The following NAALADL2 variants were observed in gnomAD, a reference collection of about 807,000 sequenced individuals.
NAALADL2 encodes the protein inactive N-acetylated-alpha-linked acidic dipeptidase-like protein 2.
Under a neutral mutation model 87.2 loss-of-function variants are expected in NAALADL2, and 76 were observed. That is an observed-to-expected ratio of 0.87 (90% CI 0.72 to 1.05). The LOEUF is 1.05. NAALADL2 is among the 50% of genes least tolerant of loss of function. The probability of loss-of-function intolerance (pLI) is 0.00; values close to 1 mark genes in which losing one functional copy is unlikely to be tolerated. For synonymous variants in NAALADL2, 354 were observed against 331.0 expected, an observed-to-expected ratio of 1.07 and a Z score of -0.75; for missense variants, 1,089 against 945.8, an observed-to-expected ratio of 1.15 and a Z score of -1.99.
intron 12 of NAALADL2, among the ~76,000 whole-genome samples, chr3:175,753,109 A>G (rs1746814219): frequency 6.6e-6 from 1 of 152,164 alleles, no homozygotes; most frequent in Non-Finnish European, 1.5e-5. Flanking sequence ...AAGATAATTA[A>G]TGAATCTGAA....
intron 5 of NAALADL2, among the ~76,000 whole-genome samples, chr3:175,378,028 G>A (rs972107444): frequency 6.6e-6 from 1 of 150,872 alleles, no homozygotes; most frequent in Non-Finnish European, 1.5e-5. Context: ...CATGAGTGCA[G>A]ATAAAAGAGG....
chr3:175,329,881 G>A (rs959793899), intron 5 of NAALADL2, among the ~76,000 whole-genome samples: 2 of 152,106 alleles, frequency 1.3e-5, no homozygotes, highest in Non-Finnish European at 2.9e-5. Flanking sequence ...TAATTTTGGC[G>A]ACGTAAGTTC....
chr3:174,836,413 A>G (rs772596252), intron 3 of NAALADL2, among the ~76,000 whole-genome samples: 1 of 152,162 alleles, frequency 6.6e-6, no homozygotes, highest in African/African-American at 2.4e-5. Context: ...GTTGCACAAC[A>G]ATGTGAATGT....
intron 3 of NAALADL2, among the ~76,000 whole-genome samples, chr3:174,740,718 T>G (rs1474557147): frequency 2.0e-5 from 3 of 151,728 alleles, no homozygotes; most frequent in Non-Finnish European, 3.0e-5. Flanking sequence ...TAAGCAAAAT[T>G]TTCTGGTCAA....
In NAALADL2 at chr3:175,706,381, T is replaced by C. The variant is rs138231958; in HGVS notation, c.1897-30925T>C. Among the ~76,000 whole-genome samples, 1,205 of 152,266 alleles carry C rather than the reference T, an allele frequency of 7.9e-3. 9 individuals are homozygous for C. Among genetic ancestry groups the C allele is most frequent in the Non-Finnish European group, 0.014 (921 of 68,000 alleles). On this transcript the variant is annotated intron_variant, in intron 11 of 13. Transcript: ENST00000454872. ...AGGTCAATTTGTAAATTAGGCACAA[T>C]AATAGATTAGCAACGACAACTAATA...
At chr3:175,577,611 C>G (rs1169351481) in intron 10 of NAALADL2, among the ~76,000 whole-genome samples, 13 of 152,036 alleles carry the variant, frequency 8.6e-5, no homozygotes, top group Admixed American at 5.2e-4. Context: ...TCTGAAGGAT[C>G]CAATCGTTTT....
At chr3:174,734,181 T>C (rs1732973608) in intron 2 of NAALADL2, among the ~76,000 whole-genome samples, 1 of 152,194 alleles carries the variant, frequency 6.6e-6, no homozygotes, top group Admixed American at 6.5e-5. Flanking sequence ...GGCACTTAAA[T>C]AAAATTTGAG....
intron 2 of NAALADL2, among the ~76,000 whole-genome samples, chr3:175,106,823 A>G (rs1251352479): frequency 6.6e-6 from 1 of 152,120 alleles, no homozygotes; most frequent in Non-Finnish European, 1.5e-5. Context: ...TGAGAATTTC[A>G]TCTAAAACCA....
rs952885304 is a variant in NAALADL2 at position 175,804,975 on chromosome 3, A to T, written c.*1772A>T. 1 of 151,938 alleles carries T rather than the reference A, an allele frequency of 6.6e-6. No individual in the cohort carries two copies. The highest frequency in any genetic ancestry group is 1.5e-5 in the Non-Finnish European group (1 of 67,894). 9.4% of individuals were successfully genotyped at this position (151,938 alleles called of 1,614,324 possible). A position where few individuals can be genotyped will look rare whatever the true frequency, so the allele number is the denominator to read the frequency against. The stretch of plus-strand genomic sequence containing the variant: ...TTGTTTGCAAACATTTGCCATGTTG[A>T]AGAGTGTGTATAGGAAAGGTCTAGA... On this transcript the variant is annotated 3_prime_UTR_variant, in exon 14 of 14. Coordinates refer to ENST00000454872, the MANE Select transcript of NAALADL2 (RefSeq NM_207015.3).
At chr3:175,017,531 G>T (rs1751000045) in intron 1 of NAALADL2, among the ~76,000 whole-genome samples, 1 of 152,044 alleles carries the variant, frequency 6.6e-6, no homozygotes, top group African/African-American at 2.4e-5. Context: ...TGTATTGTCA[G>T]TGTGCCCTGG....
At chr3:174,826,041 A>AACAACAACAACAACG (rs1560262219) in intron 3 of NAALADL2, among the ~76,000 whole-genome samples, 1 of 150,582 alleles carries the variant, frequency 6.6e-6, no homozygotes, top group African/African-American at 2.5e-5. Context: ...CAACAACAAC[A>AACAACAACAACAACG]ACAACAACAA....
chr3:174,976,098 T>C (rs1744324001), intron 1 of NAALADL2, among the ~76,000 whole-genome samples: 1 of 152,186 alleles, frequency 6.6e-6, no homozygotes, highest in African/African-American at 2.4e-5. Context: ...TAGACATAGG[T>C]AATTCCATAT....
At chr3:175,785,163 T>TA (rs1358563580) in intron 13 of NAALADL2, among the ~76,000 whole-genome samples, 4 of 150,314 alleles carry the variant, frequency 2.7e-5, no homozygotes, top group African/African-American at 4.9e-5. Context: ...TGTGGTGCTG[T>TA]AAAAAATGTA....
intron 2 of NAALADL2, among the ~76,000 whole-genome samples, chr3:174,723,689 G>C (rs936399784): frequency 7.1e-6 from 1 of 141,458 alleles, no homozygotes; most frequent in African/African-American, 2.6e-5. Flanking sequence ...CTGGGAGGCG[G>C]AGCTCGCAGT....
In NAALADL2 at chr3:174,953,355, C is replaced by T. The variant is rs1286493219; in HGVS notation, c.43+93905C>T. On this transcript the variant is annotated intron_variant, in intron 1 of 13. Transcript: ENST00000454872. ...CCTCCCCTCCCCTCCCCTCCTCTTTCCCCTTCCTTCCAGTAAATCATTATT... is the reference window on the plus strand; with the variant it reads ...CCTCCCCTCCCCTCCCCTCCTCTTTTCCCTTCCTTCCAGTAAATCATTATT... Among the ~76,000 whole-genome samples the T allele has an allele frequency of 2.5e-5, 3 of 120,990 alleles. No homozygotes were observed. In the Admixed American group the frequency reaches 2.9e-4, roughly 12 times the overall value. 79.4% of individuals were successfully genotyped at this position (120,990 alleles called of 152,430 possible). A position where few individuals can be genotyped will look rare whatever the true frequency, so the allele number is the denominator to read the frequency against.
intron 3 of NAALADL2, among the ~76,000 whole-genome samples, chr3:174,740,509 GAATT>G (rs1733663737): frequency 6.6e-6 from 1 of 151,878 alleles, no homozygotes; most frequent in Admixed American, 6.6e-5. Context: ...GAATGAGTAT[GAATT>G]AAATTTAGAA....
At chr3:174,828,313 A>T (rs534681589) in intron 3 of NAALADL2, among the ~76,000 whole-genome samples, 7 of 152,328 alleles carry the variant, frequency 4.6e-5, no homozygotes, top group African/African-American at 1.7e-4. Flanking sequence ...ACTTGCCCTG[A>T]TTAATATCAG....
intron 9 of NAALADL2, among the ~76,000 whole-genome samples, chr3:175,511,420 C>G (rs1322018930): frequency 1.3e-5 from 2 of 152,034 alleles, no homozygotes; most frequent in African/African-American, 4.8e-5. Context: ...TTTGGACATA[C>G]AAAGAAAGAA....
At chr3:174,854,835 CTTT>C (rs68116968), upstream of NAALADL2, among the ~76,000 whole-genome samples, 238 of 112,002 alleles carry the variant, frequency 2.1e-3, no homozygotes, top group African/African-American at 6.6e-3. Context: ...GCTTTTTTTT[CTTT>C]TTTTTTTTTT....
Sources: gnomAD v4.1 joint callset for allele counts (sites outside exome capture counted in the v4.1 genomes callset) on GRCh38, gnomAD v4.1.1 for gene constraint, MANE v1.5 for transcripts, NCBI Gene and HGNC (gene_info 2026-07-23, HGNC 2026-07-21) for gene names.